The following PPFIA2 variants were observed in gnomAD, a reference collection of about 807,000 sequenced individuals.
PPFIA2 encodes PPFI scaffold protein A2, also known as liprin-alpha-2.
Under a neutral mutation model 175.5 loss-of-function variants are expected in PPFIA2, and 46 were observed. The observed-to-expected ratio is 0.26, with a 90% CI of 0.21 to 0.34. PPFIA2 has a LOEUF of 0.34. PPFIA2 is among the 10% of genes least tolerant of loss of function. PPFIA2 has a pLI of 1.00. For missense variants in PPFIA2, 1,179 were observed against 1,506.1 expected, an observed-to-expected ratio of 0.78 and a Z score of 3.60; for synonymous variants, 568 against 511.4, an observed-to-expected ratio of 1.11 and a Z score of -1.49.
chr12:81,627,125 G>A (rs945939500), intron 4 of PPFIA2, among the ~76,000 whole-genome samples: 7 of 151,986 alleles, frequency 4.6e-5, no homozygotes, highest in Non-Finnish European at 7.4e-5. Context: ...CAAGGGTAAT[G>A]GGATGGGGAG....
At chr12:81,625,971 A>G (rs1037829184) in intron 4 of PPFIA2, among the ~76,000 whole-genome samples, 3 of 151,226 alleles carry the variant, frequency 2.0e-5, no homozygotes, top group Admixed American at 2.0e-4. Flanking sequence ...ATAATTCTCA[A>G]TAACAAAAAT....
chr12:81,734,823 A>C (rs1597023322), intron 3 of PPFIA2, among the ~76,000 whole-genome samples: 1 of 151,850 alleles, frequency 6.6e-6, no homozygotes, highest in Non-Finnish European at 1.5e-5. Flanking sequence ...ATTTGCTGTC[A>C]CTTCCTATGC....
At chr12:81,443,481 C>T (rs2050611405) in intron 6 of PPFIA2, among the ~76,000 whole-genome samples, 1 of 152,134 alleles carries the variant, frequency 6.6e-6, no homozygotes, top group African/African-American at 2.4e-5. Flanking sequence ...GCTAAACCCA[C>T]TGAACTTCTA....
intron 8 of PPFIA2, among the ~76,000 whole-genome samples, chr12:81,400,352 C>T (rs1237140443): frequency 6.6e-6 from 1 of 152,054 alleles, no homozygotes; most frequent in Non-Finnish European, 1.5e-5. Flanking sequence ...GCTAAAAGTC[C>T]ACAAAACCCT....
intron 3 of PPFIA2, among the ~76,000 whole-genome samples, chr12:81,685,245 CT>C (rs1353979104): frequency 6.6e-6 from 1 of 151,998 alleles, no homozygotes; most frequent in Non-Finnish European, 1.5e-5. Context: ...AATAATGAAG[CT>C]GAGTTTGTTA....
intron 4 of PPFIA2, among the ~76,000 whole-genome samples, chr12:81,651,977 G>C (rs976075891): frequency 1.3e-5 from 2 of 151,704 alleles, no homozygotes; most frequent in Non-Finnish European, 2.9e-5. Context: ...TTCCATTTCT[G>C]CCAATAACAA....
chr12:81,448,118 C>A (rs2051677912), intron 5 of PPFIA2, among the ~76,000 whole-genome samples: 1 of 151,994 alleles, frequency 6.6e-6, no homozygotes, highest in East Asian at 1.9e-4. Context: ...AAAATATCCA[C>A]CCTCTAGGAA....
intron 16 of PPFIA2, 101 bp from the exon 17 acceptor site, chr12:81,353,440 G>T: frequency 1.3e-6 from 1 of 797,484 alleles, no homozygotes; most frequent in Non-Finnish European, 2.1e-6. Flanking sequence ...TTTTACAACT[G>T]ACCTTGCAAA....
intron 8 of PPFIA2, among the ~76,000 whole-genome samples, chr12:81,402,080 G>A (rs1019604944): frequency 2.6e-5 from 4 of 151,868 alleles, no homozygotes; most frequent in African/African-American, 4.8e-5. Flanking sequence ...TCAATCCACC[G>A]ACACAAAACA....
At chr12:81,304,279 G>A (rs1366789647) in intron 22 of PPFIA2, among the ~76,000 whole-genome samples, 2 of 152,152 alleles carry the variant, frequency 1.3e-5, no homozygotes, top group African/African-American at 2.4e-5. Flanking sequence ...GACTTTGTAC[G>A]CTCTGTGTCT....
intron 4 of PPFIA2, among the ~76,000 whole-genome samples, chr12:81,642,947 T>A (rs1353775810): frequency 7.7e-6 from 1 of 129,258 alleles, no homozygotes; most frequent in Non-Finnish European, 1.6e-5. Flanking sequence ...TATGTAATAA[T>A]ATATGTAATA....
intron 4 of PPFIA2, among the ~76,000 whole-genome samples, chr12:81,596,232 A>T (rs1013085172): frequency 1.7e-4 from 26 of 151,828 alleles, no homozygotes; most frequent in African/African-American, 5.8e-4. Flanking sequence ...GAAAAAAAAA[A>T]GCCAAGAGTT....
chr12:81,563,728 A>G (rs1464477578), intron 4 of PPFIA2, among the ~76,000 whole-genome samples: 1 of 152,216 alleles, frequency 6.6e-6, no homozygotes, highest in Non-Finnish European at 1.5e-5. Context: ...CTTAGCATCT[A>G]TGATGATACA....
intron 7 of PPFIA2, among the ~76,000 whole-genome samples, chr12:81,410,611 A>C (rs542036959): frequency 2.6e-5 from 4 of 152,164 alleles, no homozygotes; most frequent in African/African-American, 9.6e-5. Context: ...ATTTGCTTTC[A>C]GGTATCCCTT....
chr12:81,304,115 A>C (rs113557004), intron 22 of PPFIA2, among the ~76,000 whole-genome samples: 5 of 152,082 alleles, frequency 3.3e-5, no homozygotes, highest in African/African-American at 1.2e-4. Flanking sequence ...CTTCCTTTCT[A>C]TATCCATCCT....
At chr12:81,355,381 T>C (rs186499415) in intron 16 of PPFIA2, among the ~76,000 whole-genome samples, 1 of 152,194 alleles carries the variant, frequency 6.6e-6, no homozygotes, top group Non-Finnish European at 1.5e-5. Context: ...TAGAGTAGAT[T>C]TAGCAGAATT....
intron 4 of PPFIA2, among the ~76,000 whole-genome samples, chr12:81,555,483 T>C (rs17008711): frequency 0.12 from 18,329 of 151,984 alleles, 1,227 homozygotes; most frequent in Middle Eastern, 0.13. Flanking sequence ...TGTTTCCCAG[T>C]AGATATTATG....
chr12:81,394,154 C>CA (rs2040653052), intron 8 of PPFIA2, among the ~76,000 whole-genome samples: 1 of 151,902 alleles, frequency 6.6e-6, no homozygotes, highest in South Asian at 2.1e-4. Flanking sequence ...AAACAAAAAA[C>CA]AAAAACAAAC....
chr12:81,369,456 A>G (rs1686881182), intron 11 of PPFIA2: 4 of 1,286,116 alleles, frequency 3.1e-6, no homozygotes, highest in East Asian at 8.0e-5. Context: ...CAGACTGTGC[A>G]TGGTTTGAAC....
Sources: gnomAD v4.1 joint callset for allele counts (sites outside exome capture counted in the v4.1 genomes callset) on GRCh38, gnomAD v4.1.1 for gene constraint, MANE v1.5 for transcripts, NCBI Gene and HGNC (gene_info 2026-07-23, HGNC 2026-07-21) for gene names.